The following SFMBT1 variants were observed in gnomAD, a reference collection of about 807,000 sequenced individuals.
The protein encoded by SFMBT1 is Scm like with four mbt domains 1, also known as scm-like with four MBT domains protein 1.
Under a neutral mutation model 108.7 loss-of-function variants are expected in SFMBT1, and 32 were observed. The ratio of observed to expected loss-of-function variants is 0.29; its 90% CI spans 0.22 to 0.40. The LOEUF (loss-of-function observed/expected upper bound fraction) is 0.40. Ranked by LOEUF, SFMBT1 falls within the 10% of genes least tolerant of loss-of-function variation. The pLI, the probability that SFMBT1 is intolerant of heterozygous loss-of-function variation, is 1.00. For synonymous variants in SFMBT1, 348 were observed against 369.5 expected (o/e 0.94, Z 0.67); for missense variants, 816 against 1,059.6 (o/e 0.77, Z 3.19).
chr3:52,959,096 G>T (rs150822445), intron 2 of SFMBT1, among the ~76,000 whole-genome samples: 1 of 151,760 alleles, frequency 6.6e-6, no homozygotes, highest in East Asian at 1.9e-4. Context: ...TGGACACATC[G>T]GGGGGAAAAG....
intron 11 of SFMBT1, 62 bp downstream of exon 11, chr3:52,921,643 G>C: frequency 1.9e-6 from 3 of 1,573,914 alleles, no homozygotes; most frequent in Non-Finnish European, 2.6e-6. Flanking sequence ...AACATTACAG[G>C]AGTAAACAGG....
intron 2 of SFMBT1, among the ~76,000 whole-genome samples, chr3:52,966,513 T>C (rs1157862690): frequency 1.4e-5 from 2 of 144,620 alleles, no homozygotes; most frequent in African/African-American, 2.6e-5. Context: ...TAGTCCCAGA[T>C]ACTTGGGAGG....
intron 17 of SFMBT1, among the ~76,000 whole-genome samples, chr3:52,908,364 G>A (rs980445224): frequency 3.3e-5 from 5 of 151,680 alleles, no homozygotes; most frequent in East Asian, 1.9e-4. Flanking sequence ...GAGCCACCAC[G>A]TCCAGCAGCC....
At chr3:53,040,498 G>C (rs1242703617) in intron 1 of SFMBT1, among the ~76,000 whole-genome samples, 4 of 151,888 alleles carry the variant, frequency 2.6e-5, no homozygotes, top group African/African-American at 9.7e-5. Flanking sequence ...CAGAACCCAA[G>C]TTTCCCAGAT....
intron 2 of SFMBT1, among the ~76,000 whole-genome samples, chr3:52,962,245 C>T (rs529835912): frequency 2.0e-5 from 3 of 152,226 alleles, no homozygotes; most frequent in Admixed American, 6.5e-5. Context: ...GGAATCTATC[C>T]CAAAGATATG....
At chr3:52,955,962 T>C (rs1703766084) in intron 2 of SFMBT1, among the ~76,000 whole-genome samples, 1 of 152,136 alleles carries the variant, frequency 6.6e-6, no homozygotes, top group Admixed American at 6.5e-5. Flanking sequence ...CTCAATAAAA[T>C]ACTGGCAAAC....
At chr3:52,965,996 A>G (rs562925572) in intron 2 of SFMBT1, among the ~76,000 whole-genome samples, 11 of 84,348 alleles carry the variant, frequency 1.3e-4, no homozygotes, top group Non-Finnish European at 6.5e-5. Flanking sequence ...ACAGAGCAAG[A>G]CTCCGTTTCA....
chr3:52,991,343 T>TTTTTTA (rs2106896067), intron 1 of SFMBT1, among the ~76,000 whole-genome samples: 1 of 34,400 alleles, frequency 2.9e-5, no homozygotes, highest in South Asian at 1.1e-3. Context: ...CTGAAACTTC[T>TTTTTTA]TTTTTTTTTT....
intron 1 of SFMBT1, among the ~76,000 whole-genome samples, chr3:53,033,039 A>G (rs1396031741): frequency 6.6e-6 from 1 of 152,102 alleles, no homozygotes; most frequent in Non-Finnish European, 1.5e-5. Context: ...CAGGTGCAAG[A>G]GCTCATGCCT....
intron 1 of SFMBT1, among the ~76,000 whole-genome samples, chr3:52,980,477 A>G (rs1316496625): frequency 6.6e-6 from 1 of 152,168 alleles, no homozygotes; most frequent in Non-Finnish European, 1.5e-5. Context: ...GTATTTAATA[A>G]CACCGTAAGA....
intron 14 of SFMBT1, among the ~76,000 whole-genome samples, chr3:52,915,698 T>C (rs1702328211): frequency 6.6e-6 from 1 of 152,246 alleles, no homozygotes; most frequent in Admixed American, 6.5e-5. Context: ...CAGGCATTAA[T>C]TGCCTCTGGG....
chr3:53,007,032 T>C (rs1165524318), intron 1 of SFMBT1, among the ~76,000 whole-genome samples: 2 of 152,200 alleles, frequency 1.3e-5, no homozygotes, highest in Non-Finnish European at 2.9e-5. Context: ...GGCTGCCTCA[T>C]GAAGAGCCCT....
intron 1 of SFMBT1, among the ~76,000 whole-genome samples, chr3:52,973,178 C>T (rs1704407961): frequency 6.6e-6 from 1 of 152,124 alleles, no homozygotes; most frequent in Non-Finnish European, 1.5e-5. Context: ...GATCACACCA[C>T]TGCATTCTAG....
intron 1 of SFMBT1, among the ~76,000 whole-genome samples, chr3:52,979,792 C>T (rs1016269250): frequency 6.6e-6 from 1 of 152,190 alleles, no homozygotes; most frequent in Non-Finnish European, 1.5e-5. Flanking sequence ...CACTTATTAT[C>T]GCCACACCAC....
chr3:52,971,513 A>G (rs1185410500), intron 1 of SFMBT1, among the ~76,000 whole-genome samples: 1 of 152,058 alleles, frequency 6.6e-6, no homozygotes. Context: ...AAACATCCAA[A>G]CTGTATCACT....
At chr3:52,935,961 C>T (rs1361783295) in intron 4 of SFMBT1, among the ~76,000 whole-genome samples, 1 of 152,152 alleles carries the variant, frequency 6.6e-6, no homozygotes, top group Non-Finnish European at 1.5e-5. Flanking sequence ...AGTTGTTCTA[C>T]TGTTCCCTGT....
At chr3:52,916,306 A>AT in intron 13 of SFMBT1, 92 bp from the exon 14 acceptor site, 1 of 1,201,146 alleles carries the variant, frequency 8.3e-7, no homozygotes, top group Non-Finnish European at 1.2e-6. Flanking sequence ...GAAGAAAGCA[A>AT]ATGTGGCATG....
intron 12 of SFMBT1, among the ~76,000 whole-genome samples, chr3:52,919,699 C>G (rs2106777745): frequency 6.6e-6 from 1 of 152,304 alleles, no homozygotes; most frequent in Admixed American, 6.5e-5. Flanking sequence ...CTCTCTTGCT[C>G]TCTTGCTTCC....
chr3:52,953,479 A>C (rs1703663689), intron 3 of SFMBT1, among the ~76,000 whole-genome samples: 1 of 152,010 alleles, frequency 6.6e-6, no homozygotes, highest in African/African-American at 2.4e-5. Context: ...TATAAATTAT[A>C]AACAAAATTT....
Sources: allele counts gnomAD v4.1 joint callset (sites outside exome capture counted in the v4.1 genomes callset), GRCh38; gene constraint gnomAD v4.1.1; transcripts MANE v1.5; gene names NCBI Gene and HGNC (gene_info 2026-07-23, HGNC 2026-07-21).